The following SLC30A10 variants were observed in gnomAD, a reference collection of about 807,000 sequenced individuals.
SLC30A10 encodes the protein solute carrier family 30 member 10.
Under a neutral mutation model 21.7 loss-of-function variants are expected in SLC30A10, and 8 were observed. The observed-to-expected ratio is 0.37, with a 90% CI of 0.22 to 0.67. The LOEUF is 0.67. Ranked by LOEUF, SLC30A10 falls within the 30% of genes least tolerant of loss-of-function variation. The probability of loss-of-function intolerance (pLI) is 0.58; values close to 1 mark genes in which losing one functional copy is unlikely to be tolerated. For synonymous variants in SLC30A10, 272 were observed against 279.4 expected, an observed-to-expected ratio of 0.97 and a Z score of 0.26; for missense variants, 521 against 642.5, an observed-to-expected ratio of 0.81 and a Z score of 2.04.
chr1:219,917,708 CTTTTTT>C, intron 3 of SLC30A10, among the ~76,000 whole-genome samples: 1 of 104,076 alleles, frequency 9.6e-6, no homozygotes, highest in African/African-American at 4.1e-5. Flanking sequence ...TTTTTCTTTC[CTTTTTT>C]TTTTTTTTTT....
intron 1 of SLC30A10, among the ~76,000 whole-genome samples, chr1:219,951,716 A>AT (rs897467353): frequency 2.0e-5 from 3 of 151,214 alleles, no homozygotes; most frequent in African/African-American, 7.3e-5. Flanking sequence ...GTGAGACTCC[A>AT]TCTCAAAAAA....
rs767556759 is a variant in SLC30A10 at position 219,927,894 on chromosome 1, TCGGGTCCGCCGCGCGCCG to T, written c.529_546del (p.Arg177_Pro182del). 6.1e-5 allele frequency: 94 copies of T among 1,540,490 alleles called. No homozygotes were observed. The South Asian group carries it at 9.5e-4, about 16-fold the overall frequency. Reference sequence around the variant, plus strand: ...ACGGCCGAGTCCGAGCCTGGGGCTGTCGGGTCCGCCGCGCGCCGCGGGTCCTCCGCGCCCTGAGGCCCC... The same window carrying T: ...ACGGCCGAGTCCGAGCCTGGGGCTGTCGGGTCCTCCGCGCCCTGAGGCCCC... On this transcript the variant is annotated inframe_deletion, in exon 1 of 4. Transcript: ENST00000366926.
intron 1 of SLC30A10, among the ~76,000 whole-genome samples, chr1:219,947,577 G>A (rs567840861): frequency 1.3e-5 from 2 of 152,204 alleles, no homozygotes; most frequent in South Asian, 4.2e-4. Context: ...CACCTATTCA[G>A]GTGCAGACAG....
Position 219,915,722 on chromosome 1 carries a change from G to T in SLC30A10, c.1185C>A (p.Asp395Glu). Residue 395 changes from aspartate to glutamate, a missense_variant, in exon 4 of 4, where the codon GAC (aspartate) becomes GAA (glutamate). By Grantham distance (45) the Asp-to-Glu change is conservative. Coordinates refer to ENST00000366926, the MANE Select transcript of SLC30A10 (RefSeq NM_018713.3). ...AGGGTGAGTTGCAGAGCAACAGTAA[G>T]TCCTTCTGCTCCAGGGGTTCCTTCA... ...VDLKEPLEQK[D>E]LLLLCNSPCI... The T allele has an allele frequency of 6.2e-7, 1 of 1,614,222 alleles. No homozygotes were observed. Among genetic ancestry groups the T allele is most frequent in the East Asian group, 2.2e-5 (1 of 44,876 alleles).
intron 2 of SLC30A10, among the ~76,000 whole-genome samples, chr1:219,926,825 G>A (rs1659837266): frequency 6.6e-6 from 1 of 152,158 alleles, no homozygotes; most frequent in African/African-American, 2.4e-5. Flanking sequence ...GGGTCTCAGT[G>A]GAGCTAAGAT....
At chr1:219,931,504 CAG>C (rs892094306), upstream of SLC30A10, among the ~76,000 whole-genome samples, 4 of 151,960 alleles carry the variant, frequency 2.6e-5, no homozygotes, top group African/African-American at 9.7e-5. Flanking sequence ...TTTTTTAAGA[CAG>C]AGTCTACTCT....
Position 219,956,733 on chromosome 1 carries a change from C to T in SLC30A10, n.80+1835G>A, listed in dbSNP as rs570757163. Among the ~76,000 whole-genome samples, 8 of 151,562 alleles carry T rather than the reference C, an allele frequency of 5.3e-5. No homozygotes were observed. In the South Asian group the frequency reaches 1.7e-3, roughly 32 times the overall value. The stretch of plus-strand genomic sequence containing the variant: ...TTGGAGTGAAACATTTGTCTTAAGC[C>T]TCTTGTTATCTCAGCATGAACATAC... On this transcript the variant is annotated intron_variant and non_coding_transcript_variant, in intron 1 of 8. Coordinates refer to the SLC30A10 transcript ENST00000484239.
Position 219,918,134 on chromosome 1 carries a change from C to A in SLC30A10, c.958+121G>T. On this transcript the variant is annotated intron_variant, in intron 3 of 3. Transcript: ENST00000366926. This position sits in a 1 kb window ranked among gnomAD's most constrained non-coding sequence, Gnocchi z 4.4. Reference sequence around the variant, plus strand: ...AAAACATATGATGACATCTCTACCACCTGGTGATTTAAGGTGTTTCAGAAT... The same window carrying A: ...AAAACATATGATGACATCTCTACCAACTGGTGATTTAAGGTGTTTCAGAAT... 7.8e-7 allele frequency: 1 copy of A among 1,287,578 alleles called. No individual in the cohort carries two copies. The highest frequency in any genetic ancestry group is 1.4e-5 in the South Asian group (1 of 70,732). 79.8% of individuals were successfully genotyped at this position (1,287,578 alleles called of 1,614,324 possible). A position where few individuals can be genotyped will look rare whatever the true frequency, so the allele number is the denominator to read the frequency against.
rs1659458341 is a variant in SLC30A10, at chr1:219,913,269, T to C, written c.*2180A>G. On this transcript the variant is annotated 3_prime_UTR_variant, in exon 4 of 4. Coordinates refer to ENST00000366926, the MANE Select transcript of SLC30A10 (RefSeq NM_018713.3). ...TTCATATTGACTCCAGGCCATAATC[T>C]GGTATAACTGTCTATCAAGATACTT... is the stretch of plus-strand genomic sequence containing the variant. Among the ~76,000 whole-genome samples, 1 of 152,248 alleles carries C rather than the reference T, an allele frequency of 6.6e-6. No homozygotes were observed. The highest frequency in any genetic ancestry group is 1.5e-5 in the Non-Finnish European group (1 of 68,034).
intron 1 of SLC30A10, among the ~76,000 whole-genome samples, chr1:219,938,511 G>A (rs908513212): frequency 6.6e-6 from 1 of 152,222 alleles, no homozygotes; most frequent in Non-Finnish European, 1.5e-5. Context: ...CCTGCTACAT[G>A]AGAGAAGCTA....
chr1:219,935,472 G>A (rs1198311653), intron 1 of SLC30A10, among the ~76,000 whole-genome samples: 5 of 152,238 alleles, frequency 3.3e-5, no homozygotes, highest in Non-Finnish European at 5.9e-5. Context: ...GGTTGAATAT[G>A]TAGTGGGACA....
chr1:219,939,867 C>T (rs775784793), intron 1 of SLC30A10, among the ~76,000 whole-genome samples: 5 of 152,302 alleles, frequency 3.3e-5, no homozygotes, highest in South Asian at 2.1e-4. Flanking sequence ...GAGCTCATGC[C>T]GCATGGACTG....
intron 1 of SLC30A10, among the ~76,000 whole-genome samples, chr1:219,942,468 G>C (rs1228913559): frequency 6.6e-6 from 1 of 152,206 alleles, no homozygotes; most frequent in Non-Finnish European, 1.5e-5. Context: ...GCGACAACAA[G>C]GAAACTTGAA....
At position 219,927,874 on chromosome 1, in the gene SLC30A10, C is replaced by G; in HGVS notation, c.567G>C (p.Ser189=). Residue 189 remains serine, a synonymous_variant, in exon 1 of 4, where the codon TCG becomes TCC. Coordinates refer to ENST00000366926, the MANE Select transcript of SLC30A10 (RefSeq NM_018713.3). The part of the protein sequence containing the change: ...AADPTAPGSD[S]AVTLRGTSVE... ...CCGAGGTCCCCCGGAGGGTTACGGC[C>G]GAGTCCGAGCCTGGGGCTGTCGGGT... 1 of 1,544,026 alleles carries G rather than the reference C, an allele frequency of 6.5e-7. No individual in the cohort carries two copies.
intron 1 of SLC30A10, among the ~76,000 whole-genome samples, chr1:219,938,240 G>C (rs1436150660): frequency 6.6e-6 from 1 of 152,128 alleles, no homozygotes; most frequent in Non-Finnish European, 1.5e-5. Context: ...TCTGGAGATG[G>C]CCTACATGGT....
At chr1:219,938,073 ACTTTTT>A (rs1472972997) in intron 1 of SLC30A10, among the ~76,000 whole-genome samples, 8 of 151,680 alleles carry the variant, frequency 5.3e-5, no homozygotes, top group Non-Finnish European at 8.8e-5. Flanking sequence ...TCCTTTTTTA[ACTTTTT>A]CTTTGTAGTA....
At chr1:219,927,170 G>A in intron 1 of SLC30A10, 65 bp from the exon 2 acceptor site, 3 of 1,530,858 alleles carry the variant, frequency 2.0e-6, no homozygotes. Context: ...AAAAACCAAT[G>A]GACTCAAAAT....
At chr1:219,952,825 C>A (rs778061775) in intron 1 of SLC30A10, among the ~76,000 whole-genome samples, 1 of 152,144 alleles carries the variant, frequency 6.6e-6, no homozygotes, top group Non-Finnish European at 1.5e-5. Context: ...AAGAGATGGT[C>A]TCTTTAACTT....
chr1:219,932,549 G>A (rs946564947), upstream of SLC30A10, among the ~76,000 whole-genome samples: 8 of 151,982 alleles, frequency 5.3e-5, no homozygotes, highest in African/African-American at 1.9e-4. Context: ...TCTTATTGTG[G>A]ATGAAGTCAG....
Sources: allele counts gnomAD v4.1 joint callset (sites outside exome capture counted in the v4.1 genomes callset), GRCh38; gene constraint gnomAD v4.1.1; non-coding constraint Gnocchi (gnomAD v3.1); transcripts MANE v1.5; gene names NCBI Gene and HGNC (gene_info 2026-07-23, HGNC 2026-07-21).